OXR1: variants seen among roughly 807,000 people sequenced by gnomAD.
OXR1 encodes the protein oxidation resistance protein 1.
A neutral mutation model predicts 104.6 loss-of-function variants in OXR1; 41 were observed. That is an observed-to-expected ratio of 0.39 (90% CI 0.31 to 0.51). OXR1 has a LOEUF of 0.51. Among genes scored for constraint, OXR1 ranks in the 20% least tolerant of loss-of-function variants. The pLI, the probability that OXR1 is intolerant of heterozygous loss-of-function variation, is 0.77. For missense variants in OXR1, 955 were observed against 1,031.9 expected, an observed-to-expected ratio of 0.93 and a Z score of 1.02; for synonymous variants, 348 against 348.4, an observed-to-expected ratio of 1.00 and a Z score of 0.01.
chr8:106,359,420 T>A, intron 1 of OXR1, 56 bp from the exon 2 acceptor site: 1 of 537,914 alleles, frequency 1.9e-6, no homozygotes, highest in Admixed American at 3.1e-5. Context: ...AATAAATCTG[T>A]GACAAACCAC....
At chr8:106,272,102 A>T (rs990491460) in intron 1 of OXR1, 5 of 152,198 alleles carry the variant, frequency 3.3e-5, no homozygotes, top group African/African-American at 1.2e-4. Flanking sequence ...ATATAGCGAA[A>T]AAAGAAAACA....
Position 106,329,350 on chromosome 8 carries a change from C to CTT in OXR1, c.-138-30112_-138-30111dup, listed in dbSNP as rs773206309. ...CTCATCTGTGTAATACTCATTGACACTTTTTTTTTTTTTTTGAGACGGAGT... is the reference window on the plus strand; with the variant it reads ...CTCATCTGTGTAATACTCATTGACACTTTTTTTTTTTTTTTTTGAGACGGAGT... On this transcript the variant is annotated intron_variant, in intron 1 of 16. Transcript: ENST00000517566. 1.5e-3 allele frequency among the ~76,000 whole-genome samples: 213 copies of CTT among 137,750 alleles called. 1 individual carries two copies. Among genetic ancestry groups the CTT allele is most frequent in the Middle Eastern group, 3.9e-3 (1 of 258 alleles). 90.4% of individuals were successfully genotyped at this position (137,750 alleles called of 152,430 possible).
intron 2 of OXR1, among the ~76,000 whole-genome samples, chr8:106,421,912 T>A (rs1346187424): frequency 6.6e-6 from 1 of 152,190 alleles, no homozygotes; most frequent in Non-Finnish European, 1.5e-5. Context: ...TGGCTAGTGC[T>A]AATTATACCC....
chr8:106,449,207 C>A (rs988531553), intron 2 of OXR1, among the ~76,000 whole-genome samples: 1 of 152,110 alleles, frequency 6.6e-6, no homozygotes, highest in African/African-American at 2.4e-5. Context: ...GCTGATGTTA[C>A]CCCTCTGATC....
chr8:106,577,698 C>T (rs1230362748), intron 3 of OXR1, among the ~76,000 whole-genome samples: 2 of 152,044 alleles, frequency 1.3e-5, no homozygotes, highest in Non-Finnish European at 2.9e-5. Flanking sequence ...CCAAAGCTAC[C>T]CTTTTCTGTT....
chr8:106,281,952 TCATA>T (rs1812308425), intron 1 of OXR1, among the ~76,000 whole-genome samples: 2 of 152,120 alleles, frequency 1.3e-5, no homozygotes, highest in African/African-American at 4.8e-5. Context: ...TTTTTCATTA[TCATA>T]CATAAAATAC....
At chr8:106,359,024 T>C (rs1816117427) in intron 1 of OXR1, among the ~76,000 whole-genome samples, 1 of 151,812 alleles carries the variant, frequency 6.6e-6, no homozygotes, top group Non-Finnish European at 1.5e-5. Flanking sequence ...TTGGGTGTGA[T>C]GGCAACTTGT....
At chr8:106,740,304 C>T (rs1834812642) in intron 13 of OXR1, 39 bp from the exon 14 acceptor site, 1 of 1,555,732 alleles carries the variant, frequency 6.4e-7, no homozygotes. Flanking sequence ...TAATGAACAA[C>T]AAGCTATCAA....
chr8:106,391,092 T>C (rs559590017), intron 2 of OXR1, among the ~76,000 whole-genome samples: 41 of 152,266 alleles, frequency 2.7e-4, no homozygotes, highest in African/African-American at 9.6e-4. Context: ...TTCAAAATAA[T>C]TGGAATTGGA....
intron 6 of OXR1, among the ~76,000 whole-genome samples, chr8:106,690,175 A>G (rs1159090761): frequency 6.6e-6 from 1 of 150,810 alleles, no homozygotes; most frequent in Non-Finnish European, 1.5e-5. Context: ...TGTTAATATA[A>G]ATATATACAA....
At chr8:106,401,684 T>C (rs1182420398) in intron 2 of OXR1, among the ~76,000 whole-genome samples, 1 of 152,100 alleles carries the variant, frequency 6.6e-6, no homozygotes, top group Non-Finnish European at 1.5e-5. Flanking sequence ...TTATCCTTCA[T>C]CTCAGAAGAG....
chr8:106,671,734 T>C (rs1217546005), intron 3 of OXR1, among the ~76,000 whole-genome samples: 3 of 144,852 alleles, frequency 2.1e-5, no homozygotes, highest in Non-Finnish European at 4.5e-5. Flanking sequence ...AACCAAACAC[T>C]GCATGTTCTC....
At position 106,344,287 on chromosome 8, in the gene OXR1, G is replaced by A. The variant is rs187700367; in HGVS notation, c.-138-15189G>A. Among the ~76,000 whole-genome samples the A allele has an allele frequency of 6.6e-5, 10 of 152,270 alleles. No homozygotes were observed. In the East Asian group the frequency reaches 1.9e-3, roughly 29 times the overall value. On this transcript the variant is annotated intron_variant, in intron 1 of 16. Transcript: ENST00000517566. ...GTTTCTCTCCTAATCCCTCCACAGG[G>A]ATCAGGGTACAAAGATAGCTAGCCA...
intron 2 of OXR1, among the ~76,000 whole-genome samples, chr8:106,505,507 A>T (rs555073309): frequency 1.6e-4 from 24 of 152,348 alleles, no homozygotes; most frequent in African/African-American, 5.5e-4. Flanking sequence ...GGTAGACTTT[A>T]TGATAAACAC....
intron 2 of OXR1, among the ~76,000 whole-genome samples, chr8:106,408,272 A>G (rs536950022): frequency 6.6e-6 from 1 of 152,140 alleles, no homozygotes; most frequent in Non-Finnish European, 1.5e-5. Flanking sequence ...ACATTTTAGG[A>G]CATCAAGAGA....
intron 1 of OXR1, among the ~76,000 whole-genome samples, chr8:106,350,292 A>G (rs959807645): frequency 2.6e-5 from 4 of 152,198 alleles, no homozygotes; most frequent in African/African-American, 9.6e-5. Flanking sequence ...ATAGTTAATT[A>G]TTCTCGAGAA....
At chr8:106,541,908 C>G (rs16874836) in intron 3 of OXR1, among the ~76,000 whole-genome samples, 1 of 152,098 alleles carries the variant, frequency 6.6e-6, no homozygotes. Context: ...TGTATTTGGT[C>G]CTGGCTACCT....
At chr8:106,409,429 CCAAACAAAGAAG>C (rs1818371599) in intron 2 of OXR1, among the ~76,000 whole-genome samples, 1 of 151,844 alleles carries the variant, frequency 6.6e-6, no homozygotes, top group Non-Finnish European at 1.5e-5. Flanking sequence ...AAAACTCTGT[CCAAACAAAGAAG>C]CAAACAAAAA....
At chr8:106,298,403 A>C (rs577834773) in intron 1 of OXR1, among the ~76,000 whole-genome samples, 2 of 152,164 alleles carry the variant, frequency 1.3e-5, no homozygotes, top group Non-Finnish European at 2.9e-5. Context: ...CTTATTCACT[A>C]TCAAGATAAT....
Sources: allele counts gnomAD v4.1 joint callset (sites outside exome capture counted in the v4.1 genomes callset), GRCh38; gene constraint gnomAD v4.1.1; transcripts MANE v1.5; gene names NCBI Gene and HGNC (gene_info 2026-07-23, HGNC 2026-07-21).